NOL10: variants seen among roughly 807,000 people sequenced by gnomAD.
NOL10 encodes the protein nucleolar protein 10.
In NOL10, 58 loss-of-function variants were observed where a neutral mutation model predicts 103.5. The observed-to-expected ratio is 0.56, with a 90% CI of 0.45 to 0.70. The LOEUF is 0.70. NOL10 is among the 30% of genes least tolerant of loss of function. The pLI is 0.00. For missense variants in NOL10, 763 were observed against 807.3 expected (o/e 0.95, Z 0.67); for synonymous variants, 287 against 282.5 (o/e 1.02, Z -0.16).
rs115817672 is a variant in NOL10, at chr2:10,622,278, T to C, written c.1027-14967A>G. 1,758 of 424,204 alleles carry C rather than the reference T, an allele frequency of 4.1e-3. 25 individuals carry two copies. The highest frequency in any genetic ancestry group is 0.031 in the African/African-American group (1,501 of 47,992). The allele number at this position is 424,204 out of a possible 1,614,324, so 26.3% of individuals were successfully genotyped here. ...GATTTACGTGCTGACCAAAATGATA[T>C]TGTGATCAAAAAAACCTTTGAGAAT... On this transcript the variant is annotated intron_variant, in intron 13 of 20. Transcript: ENST00000381685.
intron 13 of NOL10, among the ~76,000 whole-genome samples, chr2:10,611,040 C>T (rs1398748913): frequency 6.6e-6 from 1 of 152,114 alleles, no homozygotes; most frequent in Non-Finnish European, 1.5e-5. Flanking sequence ...TCTTGAAACT[C>T]TTGAGAGCCT....
chr2:10,637,725 T>C (rs1678360074), intron 13 of NOL10, among the ~76,000 whole-genome samples: 1 of 152,210 alleles, frequency 6.6e-6, no homozygotes, highest in South Asian at 2.1e-4. Context: ...TAACACATAG[T>C]GTCCTCTATT....
At chr2:10,631,708 G>A (rs1677855585) in intron 13 of NOL10, among the ~76,000 whole-genome samples, 1 of 140,976 alleles carries the variant, frequency 7.1e-6, no homozygotes, top group Non-Finnish European at 1.5e-5. Flanking sequence ...CATGAACCAT[G>A]TTCTCCCTGT....
At chr2:10,646,364 C>G (rs1679071151) in intron 12 of NOL10, among the ~76,000 whole-genome samples, 1 of 152,172 alleles carries the variant, frequency 6.6e-6, no homozygotes, top group East Asian at 1.9e-4. Flanking sequence ...ACACCACCTA[C>G]CAAACAAACC....
intron 11 of NOL10, among the ~76,000 whole-genome samples, chr2:10,654,893 C>T (rs1679723059): frequency 6.6e-6 from 1 of 151,972 alleles, no homozygotes; most frequent in Admixed American, 6.6e-5. Flanking sequence ...GTGAAGTGTA[C>T]CCAGCTTAAC....
At chr2:10,599,760 T>C (rs1301873926) in intron 17 of NOL10, among the ~76,000 whole-genome samples, 2 of 152,080 alleles carry the variant, frequency 1.3e-5, no homozygotes, top group Admixed American at 6.6e-5. Context: ...CTGAATCCAT[T>C]TGGAAAGCAC....
intron 13 of NOL10, among the ~76,000 whole-genome samples, chr2:10,631,717 GT>G (rs35958352): frequency 0.32 from 45,037 of 141,632 alleles, 10,177 homozygotes; most frequent in African/African-American, 0.64. Flanking sequence ...TGTTCTCCCT[GT>G]TTTTTTTTTT....
At chr2:10,687,273 G>A (rs1056919914) in intron 1 of NOL10, among the ~76,000 whole-genome samples, 2 of 152,166 alleles carry the variant, frequency 1.3e-5, no homozygotes, top group African/African-American at 2.4e-5. Context: ...AAGGTCAAGG[G>A]CGCTCTGCAT....
At chr2:10,625,417 G>C (rs759377029) in intron 13 of NOL10, among the ~76,000 whole-genome samples, 1 of 152,236 alleles carries the variant, frequency 6.6e-6, no homozygotes, top group Non-Finnish European at 1.5e-5. Context: ...GCCAAAAACT[G>C]CTCTAAAAAA....
At chr2:10,636,420 CAAAAAAAA>C (rs70953327) in intron 13 of NOL10, among the ~76,000 whole-genome samples, 4 of 54,696 alleles carry the variant, frequency 7.3e-5, no homozygotes, top group South Asian at 1.0e-3. Flanking sequence ...TACAAAAAAC[CAAAAAAAA>C]AAAAAAAAAA....
At chr2:10,622,154 G>T (rs1677184732) in intron 13 of NOL10, 1 of 423,902 alleles carries the variant, frequency 2.4e-6, no homozygotes, top group Non-Finnish European at 4.7e-6. Flanking sequence ...TAGAGAACTG[G>T]AAAATGTAGA....
intron 13 of NOL10, among the ~76,000 whole-genome samples, chr2:10,623,369 T>C (rs749338820): frequency 9.9e-5 from 15 of 152,152 alleles, no homozygotes; most frequent in Non-Finnish European, 2.1e-4. Context: ...TGGGTCTTAC[T>C]TCAGCTCCCT....
intron 13 of NOL10, among the ~76,000 whole-genome samples, chr2:10,608,095 A>C (rs1676355004): frequency 6.6e-6 from 1 of 152,244 alleles, no homozygotes; most frequent in Non-Finnish European, 1.5e-5. Context: ...TAATTAGCTC[A>C]ATTTAGCCAT....
intron 3 of NOL10, among the ~76,000 whole-genome samples, chr2:10,678,117 T>C (rs1011905944): frequency 2.0e-5 from 3 of 150,312 alleles, no homozygotes; most frequent in South Asian, 4.5e-4. Flanking sequence ...GGTGCAATCA[T>C]AGCTCACTGT....
At position 10,637,188 on chromosome 2, in the gene NOL10, C is replaced by CAAA. The variant is rs61693251; in HGVS notation, c.1026+7129_1026+7131dup. ...TGGGCCACGGAGCAAGACACTGTCTCAAAAAAAAAAAAAAAAAAAAAAAAA... is the reference window on the plus strand; with the variant it reads ...TGGGCCACGGAGCAAGACACTGTCTCAAAAAAAAAAAAAAAAAAAAAAAAAAAA... On this transcript the variant is annotated intron_variant, in intron 13 of 20. Transcript: ENST00000381685. Among the ~76,000 whole-genome samples the CAAA allele has an allele frequency of 7.4e-3, 331 of 44,468 alleles. 18 individuals carry two copies. Among genetic ancestry groups the CAAA allele is most frequent in the Non-Finnish European group, 8.3e-3 (208 of 25,050 alleles). 29.2% of individuals were successfully genotyped at this position (44,468 alleles called of 152,430 possible). A position where few individuals can be genotyped will look rare whatever the true frequency, so the allele number is the denominator to read the frequency against.
rs2148193650 is a variant in NOL10 at position 10,607,323 on chromosome 2, T to C, written c.1027-12A>G. Reference sequence around the variant, plus strand: ...GCAGGACCCAAAACCTGTTGGTGTTTATGAGAAGGTCAGCAAAGGCACAGT... The same window carrying C: ...GCAGGACCCAAAACCTGTTGGTGTTCATGAGAAGGTCAGCAAAGGCACAGT... On this transcript the variant is annotated splice_polypyrimidine_tract_variant and intron_variant, in intron 13 of 20. Transcript: ENST00000381685. The C allele has an allele frequency of 6.3e-7, 1 of 1,591,760 alleles. No homozygotes were observed. The highest frequency in any genetic ancestry group is 1.4e-5 in the African/African-American group (1 of 73,628).
chr2:10,645,944 T>TAC (rs57494359), intron 12 of NOL10, among the ~76,000 whole-genome samples: 1,983 of 147,582 alleles, frequency 0.013, 20 homozygotes, highest in South Asian at 0.021. Flanking sequence ...CACACACACA[T>TAC]ACACACACAC....
chr2:10,602,093 G>C (rs1572268499), intron 16 of NOL10, among the ~76,000 whole-genome samples: 1 of 152,324 alleles, frequency 6.6e-6, no homozygotes, highest in East Asian at 1.9e-4. Flanking sequence ...CACAGCAGTG[G>C]TGGATTCCAG....
intron 15 of NOL10, 68 bp from the exon 16 acceptor site, chr2:10,602,942 C>T (rs1049460159): frequency 1.6e-6 from 2 of 1,285,212 alleles, no homozygotes; most frequent in East Asian, 2.4e-5. Flanking sequence ...TCATATACAC[C>T]ACGACAGTTA....
Sources: gnomAD v4.1 joint callset for allele counts (sites outside exome capture counted in the v4.1 genomes callset) on GRCh38, gnomAD v4.1.1 for gene constraint, MANE v1.5 for transcripts, NCBI Gene and HGNC (gene_info 2026-07-23, HGNC 2026-07-21) for gene names.